UBR1: variants seen among roughly 807,000 people sequenced by gnomAD.
UBR1 encodes the protein E3 ubiquitin-protein ligase UBR1.
UBR1 carries 102 observed loss-of-function variants against 242.1 expected under a neutral mutation model. The ratio of observed to expected loss-of-function variants is 0.42; its 90% CI spans 0.36 to 0.50. UBR1 has a LOEUF of 0.50. Ranked by LOEUF, UBR1 falls within the 20% of genes least tolerant of loss-of-function variation. UBR1 has a pLI of 0.01. For missense variants in UBR1, 1,772 were observed against 2,101.8 expected, an observed-to-expected ratio of 0.84 and a Z score of 3.07; for synonymous variants, 675 against 684.8, an observed-to-expected ratio of 0.99 and a Z score of 0.22.
intron 1 of UBR1, among the ~76,000 whole-genome samples, chr15:43,090,159 AAG>A (rs980221755): frequency 6.6e-6 from 1 of 152,210 alleles, no homozygotes; most frequent in Non-Finnish European, 1.5e-5. Flanking sequence ...AATGATGCTG[AAG>A]AGGTTTATTT....
rs1249523606 is a variant in UBR1, at chr15:42,978,569, G to T, written c.4151-622C>A. 8.5e-5 allele frequency among the ~76,000 whole-genome samples: 13 copies of T among 152,230 alleles called. No individual in the cohort carries two copies. In the East Asian group the frequency reaches 2.5e-3, roughly 29 times the overall value. On this transcript the variant is annotated intron_variant, in intron 37 of 46. Transcript: ENST00000290650. ...GTGAAATTAATAAGTCAGGACAAGA[G>T]GAATGGTTTTGTTTATATAAAAATG...
intron 30 of UBR1, among the ~76,000 whole-genome samples, chr15:43,005,512 G>C (rs1465440990): frequency 6.6e-6 from 1 of 151,828 alleles, no homozygotes; most frequent in Non-Finnish European, 1.5e-5. Context: ...TCTGGGAGGT[G>C]GGGGGGCGCC....
Position 42,989,827 on chromosome 15 carries a change from C to T in UBR1, c.3848+203G>A, listed in dbSNP as rs146066883. On this transcript the variant is annotated intron_variant, in intron 34 of 46. Transcript: ENST00000290650. Reference sequence around the variant, plus strand: ...TTGGTTAAAAATGGTTACTCAGAGGCATAGTTCACCTTAATATATATTACT... The same window carrying T: ...TTGGTTAAAAATGGTTACTCAGAGGTATAGTTCACCTTAATATATATTACT... Among the ~76,000 whole-genome samples, 525 of 152,224 alleles carry T rather than the reference C, an allele frequency of 3.4e-3. 2 individuals carry two copies. The highest frequency in any genetic ancestry group is 0.012 in the African/African-American group (500 of 41,534).
At chr15:43,095,972 C>T (rs1394148587) in intron 1 of UBR1, among the ~76,000 whole-genome samples, 1 of 152,154 alleles carries the variant, frequency 6.6e-6, no homozygotes, top group Non-Finnish European at 1.5e-5. Flanking sequence ...TATGTTTACA[C>T]TACACTATAC....
chr15:43,007,179 C>T lies in UBR1; in HGVS notation c.3315G>A (p.Gln1105=), dbSNP rs566091058. 2 of 1,614,132 alleles carry T rather than the reference C, an allele frequency of 1.2e-6. No individual in the cohort carries two copies. The highest frequency in any genetic ancestry group is 1.3e-5 in the African/African-American group (1 of 75,026). The change falls in exon 30 of 47, where the codon CAG becomes CAA. Residue 1105 remains glutamine (Q), a synonymous_variant. Coordinates refer to ENST00000290650, the MANE Select transcript of UBR1 (RefSeq NM_174916.3). ...TGGCATTATTTTCTATTTTCACCTC[C>T]TGTTCTTCTTGGCAAAGGATGCACG... is the stretch of plus-strand genomic sequence containing the variant. ...VLTCILCQEE[Q]EVKIENNAMV... is the part of the protein sequence containing the mutation.
chr15:43,079,827 A>G (rs1038581979), intron 3 of UBR1, among the ~76,000 whole-genome samples: 2 of 152,326 alleles, frequency 1.3e-5, no homozygotes, highest in Middle Eastern at 3.4e-3. Context: ...GAGGGTATTC[A>G]GGTAAAAGAT....
chr15:43,030,259 A>G (rs1292116870), intron 20 of UBR1, among the ~76,000 whole-genome samples, 191 bp from the exon 21 acceptor site: 2 of 152,216 alleles, frequency 1.3e-5, no homozygotes. Context: ...GAAAACTGTG[A>G]CCTGAAGGAG....
chr15:43,015,292 G>C (rs1445401786), intron 29 of UBR1, among the ~76,000 whole-genome samples: 2 of 152,148 alleles, frequency 1.3e-5, no homozygotes, highest in Non-Finnish European at 2.9e-5. Flanking sequence ...ATTTTGTTCT[G>C]TACTAAGAAA....
At chr15:43,105,566 T>C (rs2034286209) in intron 1 of UBR1, among the ~76,000 whole-genome samples, 3 of 152,096 alleles carry the variant, frequency 2.0e-5, no homozygotes, top group African/African-American at 4.8e-5. Flanking sequence ...TGCAATAAAA[T>C]ACCAGGTGCT....
chr15:42,990,211 GTCTC>G, intron 33 of UBR1, 91 bp from the exon 34 acceptor site: 4 of 930,968 alleles, frequency 4.3e-6, no homozygotes, highest in Non-Finnish European at 6.7e-6. Flanking sequence ...ATTTTTGACA[GTCTC>G]ACTCTGTCAC....
At chr15:42,984,383 A>G (rs1792071301) in intron 36 of UBR1, among the ~76,000 whole-genome samples, 2 of 152,128 alleles carry the variant, frequency 1.3e-5, no homozygotes, top group South Asian at 4.1e-4. Context: ...TCACAGGGCT[A>G]CTCTGCATAT....
chr15:43,025,217 G>A (rs1381000937), intron 24 of UBR1, among the ~76,000 whole-genome samples, 164 bp downstream of exon 24: 1 of 152,106 alleles, frequency 6.6e-6, no homozygotes, highest in Non-Finnish European at 1.5e-5. Context: ...AATCACTACT[G>A]ATATATACCA....
At chr15:43,095,489 T>C (rs2034148303) in intron 1 of UBR1, among the ~76,000 whole-genome samples, 1 of 151,276 alleles carries the variant, frequency 6.6e-6, no homozygotes, top group African/African-American at 2.4e-5. Flanking sequence ...AACGTTTACT[T>C]ACCACAGCAT....
Position 42,994,302 on chromosome 15 carries a change from C to G in UBR1, c.3757+3866G>C, listed in dbSNP as rs566537685. Among the ~76,000 whole-genome samples the G allele has an allele frequency of 2.7e-5, 4 of 146,442 alleles. No individual in the cohort carries two copies. In the South Asian group the frequency reaches 8.5e-4, roughly 31 times the overall value. On this transcript the variant is annotated intron_variant, in intron 33 of 46. Coordinates refer to ENST00000290650, the MANE Select transcript of UBR1 (RefSeq NM_174916.3). The stretch of plus-strand genomic sequence containing the variant: ...GTGGCTCACACCTATAATCCAAACA[C>G]TTTGGGAAGCCATGGTGGGAGAATC...
At chr15:43,086,753 T>G (rs1037896841) in intron 1 of UBR1, among the ~76,000 whole-genome samples, 2 of 152,242 alleles carry the variant, frequency 1.3e-5, no homozygotes, top group Non-Finnish European at 2.9e-5. Flanking sequence ...TGTGAAAACA[T>G]GCTTACATTA....
chr15:43,025,290 A>G (rs1180597587), intron 24 of UBR1, 91 bp downstream of exon 24: 1 of 1,356,250 alleles, frequency 7.4e-7, no homozygotes, highest in African/African-American at 1.4e-5. Flanking sequence ...CCCACTCTCA[A>G]AAACCAACAA....
At chr15:42,995,974 T>C (rs2032631940) in intron 33 of UBR1, among the ~76,000 whole-genome samples, 1 of 152,234 alleles carries the variant, frequency 6.6e-6, no homozygotes. Context: ...CACTGTGTAC[T>C]CTCAACTAAG....
intron 43 of UBR1, among the ~76,000 whole-genome samples, chr15:42,959,996 G>A (rs572509840): frequency 3.4e-4 from 52 of 152,292 alleles, no homozygotes; most frequent in Non-Finnish European, 6.2e-4. Flanking sequence ...ATTAGACACC[G>A]TATACAATAC....
chr15:43,042,033 G>A (rs1462921354), intron 15 of UBR1, among the ~76,000 whole-genome samples: 1 of 152,110 alleles, frequency 6.6e-6, no homozygotes, highest in Non-Finnish European at 1.5e-5. Flanking sequence ...AGGAGAAATA[G>A]CAAGTGTTGG....
Sources: gnomAD v4.1 joint callset for allele counts (sites outside exome capture counted in the v4.1 genomes callset) on GRCh38, gnomAD v4.1.1 for gene constraint, MANE v1.5 for transcripts, NCBI Gene and HGNC (gene_info 2026-07-23, HGNC 2026-07-21) for gene names.